The following PIP5K1C variants were observed in gnomAD, a reference collection of about 807,000 sequenced individuals.
The protein encoded by PIP5K1C is phosphatidylinositol-4-phosphate 5-kinase type 1 gamma.
A neutral mutation model predicts 80.1 loss-of-function variants in PIP5K1C; 45 were observed. The observed-to-expected ratio is 0.56, with a 90% CI of 0.44 to 0.72. The LOEUF is 0.72. Ranked by LOEUF, PIP5K1C falls within the 30% of genes least tolerant of loss-of-function variation. PIP5K1C has a pLI of 0.00. For synonymous variants in PIP5K1C, 498 were observed against 420.1 expected, an observed-to-expected ratio of 1.19 and a Z score of -2.27; for missense variants, 753 against 954.6, an observed-to-expected ratio of 0.79 and a Z score of 2.78.
chr19:3,643,043 T>A lies in PIP5K1C; in HGVS notation c.1650-104A>T, dbSNP rs1222110074. The stretch of plus-strand genomic sequence containing the variant: ...CTGCCTACCTGCCCCCTGGCAGCCC[T>A]GCCCACCTGTACATATGCTCCTCCC... On this transcript the variant is annotated intron_variant, in intron 13 of 17. Coordinates refer to ENST00000335312, the MANE Select transcript of PIP5K1C (RefSeq NM_012398.3). The A allele has an allele frequency of 2.0e-6, 3 of 1,490,034 alleles. No individual in the cohort carries two copies. In the African/African-American group the frequency reaches 4.1e-5, roughly 21 times the overall value. The allele number at this position is 1,490,034 out of a possible 1,614,324, so 92.3% of individuals were successfully genotyped here.
intron 1 of PIP5K1C, among the ~76,000 whole-genome samples, chr19:3,681,649 G>A (rs1450522368): frequency 6.6e-6 from 1 of 152,138 alleles, no homozygotes; most frequent in Non-Finnish European, 1.5e-5. Flanking sequence ...TCCATGAGGT[G>A]ACTGGCATTG....
intron 3 of PIP5K1C, among the ~76,000 whole-genome samples, chr19:3,664,266 CA>C (rs1464107182): frequency 6.6e-6 from 1 of 152,172 alleles, no homozygotes; most frequent in African/African-American, 2.4e-5. Context: ...TGAGCTGATG[CA>C]ATGTTCTGGA....
Position 3,651,955 on chromosome 19 carries a change from C to A in PIP5K1C, c.998G>T (p.Arg333Leu), listed in dbSNP as rs115148108. 3.7e-6 allele frequency: 6 copies of A among 1,613,048 alleles called. No individual in the cohort carries two copies. In the East Asian group the frequency reaches 1.3e-4, roughly 36 times the overall value. Reference sequence around the variant, plus strand: ...GGTGCTCTGGGCGCCCTGCGCCTGCCGCTCGCGCTCGTGCTGGTCGATGTT... The same window carrying A: ...GGTGCTCTGGGCGCCCTGCGCCTGCAGCTCGCGCTCGTGCTGGTCGATGTT... ...VHNIDQHERERQAQGAQSTSD... is the reference protein window; with the variant it reads ...VHNIDQHERELQAQGAQSTSD... Residue 333 changes from arginine (R) to leucine (L), a missense_variant, in exon 8 of 18, where the codon CGG becomes CTG. By Grantham distance (102) the Arg-to-Leu change is moderately radical. This residue lies in a region of PIP5K1C where 105 missense variants were observed against 133.4 expected (regional missense o/e 0.79). Coordinates refer to ENST00000335312, the MANE Select transcript of PIP5K1C (RefSeq NM_012398.3).
chr19:3,688,840 C>A lies in PIP5K1C; in HGVS notation c.94+11457G>T, dbSNP rs974640479. On this transcript the variant is annotated intron_variant, in intron 1 of 17. Transcript: ENST00000335312. This position sits in a 1 kb window ranked among gnomAD's most constrained non-coding sequence, Gnocchi z 5.3. Reference sequence around the variant, plus strand: ...CCCACGTCGCCATGGCCCCCCACCCCGTTTTTGAGCCCCCACACAGCCGAA... The same window carrying A: ...CCCACGTCGCCATGGCCCCCCACCCAGTTTTTGAGCCCCCACACAGCCGAA... Among the ~76,000 whole-genome samples the A allele has an allele frequency of 1.3e-5, 2 of 152,072 alleles. No homozygotes were observed. Among genetic ancestry groups the A allele is most frequent in the African/African-American group, 4.8e-5 (2 of 41,414 alleles).
intron 8 of PIP5K1C, among the ~76,000 whole-genome samples, chr19:3,651,223 A>G (rs371281073): frequency 3.3e-5 from 5 of 151,984 alleles, no homozygotes; most frequent in African/African-American, 1.2e-4. Flanking sequence ...GTCCAGCTAC[A>G]TTTTATATTT....
intron 15 of PIP5K1C, among the ~76,000 whole-genome samples, chr19:3,641,081 GGTGGGT>G (rs1192839899): frequency 1.3e-5 from 2 of 151,908 alleles, no homozygotes; most frequent in African/African-American, 4.8e-5. Context: ...CATGCGTGGT[GGTGGGT>G]GCCTGTAGTC....
At chr19:3,690,105 A>AC (rs1169320511) in intron 1 of PIP5K1C, among the ~76,000 whole-genome samples, 2 of 145,020 alleles carry the variant, frequency 1.4e-5, no homozygotes, top group African/African-American at 5.2e-5. Flanking sequence ...AAGTCTGATT[A>AC]CTTTTTTTTT....
rs145255456 is a variant in PIP5K1C at position 3,645,066 on chromosome 19, G to A, written c.1346-815C>T. ...ACACGTGGTGTCTGCCAATTCCCAC[G>A]GTGTTGATGAGAGGGGGTCCCTGAC... On this transcript the variant is annotated intron_variant, in intron 11 of 17. Coordinates refer to ENST00000335312, the MANE Select transcript of PIP5K1C (RefSeq NM_012398.3). Among the ~76,000 whole-genome samples the A allele has an allele frequency of 3.9e-4, 60 of 152,354 alleles. 1 individual carries two copies. In the East Asian group the frequency reaches 0.011, roughly 27 times the overall value.
intron 1 of PIP5K1C, among the ~76,000 whole-genome samples, chr19:3,670,606 TC>T (rs1383639760): frequency 1.3e-5 from 2 of 152,152 alleles, no homozygotes; most frequent in Non-Finnish European, 2.9e-5. Context: ...AGCCCCCCAG[TC>T]CCGGGGACTT....
At chr19:3,638,829 T>C (rs2033821112) in intron 16 of PIP5K1C, 55 bp downstream of exon 16, 3 of 1,608,982 alleles carry the variant, frequency 1.9e-6, no homozygotes, top group Admixed American at 1.7e-5. Context: ...GTGGAGCGTG[T>C]GTGAGAGAGA....
chr19:3,635,899 G>C (rs1351563796), intron 16 of PIP5K1C, among the ~76,000 whole-genome samples: 1 of 152,080 alleles, frequency 6.6e-6, no homozygotes, highest in East Asian at 1.9e-4. Flanking sequence ...AGAATGGCGT[G>C]AACCCGGGAG....
At position 3,642,982 on chromosome 19, in the gene PIP5K1C, G is replaced by A. The variant is rs1285738371; in HGVS notation, c.1650-43C>T. On this transcript the variant is annotated intron_variant, in intron 13 of 17. Coordinates refer to ENST00000335312, the MANE Select transcript of PIP5K1C (RefSeq NM_012398.3). ...ACACGTGACACCCAGAAAGAGAGTG[G>A]CCCGCCTGCTCAGTCTACCTGCCTT... The A allele has an allele frequency of 3.7e-6, 6 of 1,608,816 alleles. No homozygotes were observed. In the South Asian group the frequency reaches 5.5e-5, roughly 15 times the overall value.
At chr19:3,671,094 C>T (rs2035190480) in intron 1 of PIP5K1C, among the ~76,000 whole-genome samples, 1 of 152,188 alleles carries the variant, frequency 6.6e-6, no homozygotes, top group South Asian at 2.1e-4. Context: ...CAGCGGTGGG[C>T]CGGGGCGGGA....
In PIP5K1C at chr19:3,700,433, A is replaced by G. The variant is rs1298188804; in HGVS notation, c.-43T>C. ...GGCGGGGGCGCCCGAGGGGGACCCG[A>G]GCTGCGACCGCCGCCGCCGAACAAC... On this transcript the variant is annotated 5_prime_UTR_variant, in exon 1 of 18. Transcript: ENST00000335312. The G allele has an allele frequency of 2.0e-6, 2 of 1,007,554 alleles. No individual in the cohort carries two copies. Among genetic ancestry groups the G allele is most frequent in the Non-Finnish European group, 2.4e-6 (2 of 836,140 alleles). 62.4% of individuals were successfully genotyped at this position (1,007,554 alleles called of 1,614,324 possible).
rs1280212802 is a variant in PIP5K1C, at chr19:3,630,346, T to C, written c.*2821A>G. 1 of 152,554 alleles carries C rather than the reference T, an allele frequency of 6.6e-6. No homozygotes were observed. The highest frequency in any genetic ancestry group is 1.5e-5 in the Non-Finnish European group (1 of 68,046). The allele number at this position is 152,554 out of a possible 1,614,324, so 9.5% of individuals were successfully genotyped here. A position where few individuals can be genotyped will look rare whatever the true frequency, so the allele number is the denominator to read the frequency against. ...GTTTGAGGGACACAGCACCCTCGTC[T>C]CGGCGCTTTGGATTGTCACGCACCA... is the stretch of plus-strand genomic sequence containing the variant. On this transcript the variant is annotated 3_prime_UTR_variant, in exon 18 of 18. Coordinates refer to ENST00000335312, the MANE Select transcript of PIP5K1C (RefSeq NM_012398.3).
At chr19:3,676,990 T>A (rs552062881) in intron 1 of PIP5K1C, among the ~76,000 whole-genome samples, 1 of 152,040 alleles carries the variant, frequency 6.6e-6, no homozygotes, top group Non-Finnish European at 1.5e-5. Flanking sequence ...TATTTCTAGC[T>A]ACTTGGGAGG....
Position 3,637,108 on chromosome 19 carries a change from C to T in PIP5K1C, c.1920+1776G>A. The T allele has an allele frequency of 7.5e-7, 1 of 1,339,154 alleles. No individual in the cohort carries two copies. Among genetic ancestry groups the T allele is most frequent in the Non-Finnish European group, 9.6e-7 (1 of 1,041,016 alleles). The allele number at this position is 1,339,154 out of a possible 1,614,324, so 83.0% of individuals were successfully genotyped here. On this transcript the variant is annotated intron_variant, in intron 16 of 17. Transcript: ENST00000335312. The surrounding 1 kb of genome is among the most constrained non-coding windows in gnomAD (Gnocchi z 7.0). ...TTCAGAGCCCGGCCCTGCAGCCACT[C>T]TGCTGACCTGTGCAACCTCCCCTGT...
At chr19:3,695,239 G>T (rs1239624901) in intron 1 of PIP5K1C, among the ~76,000 whole-genome samples, 1 of 152,184 alleles carries the variant, frequency 6.6e-6, no homozygotes, top group Non-Finnish European at 1.5e-5. Flanking sequence ...TGGAGCCCAG[G>T]AGTGGAACTC....
chr19:3,661,716 G>A (rs1426847160), intron 4 of PIP5K1C, among the ~76,000 whole-genome samples, 155 bp downstream of exon 4: 1 of 152,236 alleles, frequency 6.6e-6, no homozygotes, highest in African/African-American at 2.4e-5. Flanking sequence ...GCAAACAAAC[G>A]TCCTGACGGA....
Sources: gnomAD v4.1 joint callset for allele counts (sites outside exome capture counted in the v4.1 genomes callset) on GRCh38, gnomAD v4.1.1 for gene constraint, gnomAD v4.1.1 regional missense constraint, Gnocchi (gnomAD v3.1) non-coding constraint, MANE v1.5 for transcripts, NCBI Gene and HGNC (gene_info 2026-07-23, HGNC 2026-07-21) for gene names.